C5orf47: variants seen among roughly 807,000 people sequenced by gnomAD.
The protein encoded by C5orf47 is uncharacterized protein C5orf47.
C5orf47 carries 20 observed loss-of-function variants against 20.6 expected under a neutral mutation model. That is an observed-to-expected ratio of 0.97 (90% CI 0.68 to 1.41). The LOEUF is 1.41. Ranked by LOEUF, C5orf47 falls within the 40% of genes most tolerant of loss-of-function variation. The pLI is 0.00. For missense variants in C5orf47, 262 were observed against 238.4 expected (o/e 1.10, Z -0.65); for synonymous variants, 106 against 97.3 (o/e 1.09, Z -0.53).
downstream of C5orf47, among the ~76,000 whole-genome samples, chr5:174,007,441 T>C (rs1759309071): frequency 6.6e-6 from 1 of 152,204 alleles, no homozygotes; most frequent in Non-Finnish European, 1.5e-5. Flanking sequence ...TATATAGCAA[T>C]TGATGTGGCA....
rs558306064 is a variant in C5orf47, at chr5:173,989,241, G to A, written c.-23G>A. ...GTGGCGTCGTGTTTGCTGAGGGCCC[G>A]GCTGCCGTTGACTGAGGCTGCGATG... is the stretch of plus-strand genomic sequence containing the variant. On this transcript the variant is annotated 5_prime_UTR_variant, in exon 1 of 5. Transcript: ENST00000340147. 2.4e-5 allele frequency: 33 copies of A among 1,371,370 alleles called. No individual in the cohort carries two copies. Among genetic ancestry groups the A allele is most frequent in the South Asian group, 1.9e-4 (11 of 57,058 alleles). The allele number at this position is 1,371,370 out of a possible 1,614,324, so 85.0% of individuals were successfully genotyped here.
chr5:174,001,958 CTTT>C (rs375423569), intron 4 of C5orf47, among the ~76,000 whole-genome samples: 2 of 133,468 alleles, frequency 1.5e-5, no homozygotes, highest in African/African-American at 5.5e-5. Flanking sequence ...TTTTTTTTTT[CTTT>C]TTTTTTTTAA....
downstream of C5orf47, among the ~76,000 whole-genome samples, chr5:174,009,121 G>T (rs191382492): frequency 2.9e-4 from 44 of 152,192 alleles, no homozygotes; most frequent in Non-Finnish European, 5.1e-4. Context: ...AGAAATGCCC[G>T]CTAGAAAGCC....
chr5:173,989,428 G>A lies in C5orf47; in HGVS notation c.165G>A (p.Arg55=). The A allele has an allele frequency of 6.5e-7, 1 of 1,549,542 alleles. No homozygotes were observed. The highest frequency in any genetic ancestry group is 8.7e-7 in the Non-Finnish European group (1 of 1,145,986). ...PGAGCRQEKP[R]EAMAVAGVQG... ...CAGGCTGTCGCCAGGAGAAGCCGAG[G>A]GAAGCAATGGCGGTGGCGGGCGTTC... is the stretch of plus-strand genomic sequence containing the variant. The change falls in exon 1 of 5, where the codon AGG becomes AGA. Residue 55 remains arginine, a synonymous_variant. Coordinates refer to ENST00000340147, the MANE Select transcript of C5orf47 (RefSeq NM_001144954.2).
intron 4 of C5orf47, among the ~76,000 whole-genome samples, chr5:174,002,147 G>C (rs1203711651): frequency 6.6e-6 from 1 of 151,670 alleles, no homozygotes; most frequent in African/African-American, 2.4e-5. Context: ...TTTTGTATAG[G>C]TGGGGGTCTA....
downstream of C5orf47, among the ~76,000 whole-genome samples, chr5:174,009,422 A>G (rs1759339978): frequency 6.6e-6 from 1 of 152,134 alleles, no homozygotes; most frequent in South Asian, 2.1e-4. Context: ...CTTGAAACGA[A>G]TGCTTACATT....
At chr5:173,990,746 GT>G (rs1465065916) in intron 1 of C5orf47, among the ~76,000 whole-genome samples, 3 of 152,098 alleles carry the variant, frequency 2.0e-5, no homozygotes, top group Non-Finnish European at 4.4e-5. Flanking sequence ...CCCTCTCTTG[GT>G]TTTTCTAAGT....
downstream of C5orf47, among the ~76,000 whole-genome samples, chr5:174,007,494 G>A (rs1759309596): frequency 1.3e-5 from 2 of 151,442 alleles, no homozygotes; most frequent in African/African-American, 4.9e-5. Flanking sequence ...TCACACAGTT[G>A]TATTCACATG....
chr5:174,007,072 G>C (rs1234719180), downstream of C5orf47, among the ~76,000 whole-genome samples: 1 of 148,254 alleles, frequency 6.7e-6, no homozygotes, highest in Non-Finnish European at 1.5e-5. Flanking sequence ...GGCCCACTGG[G>C]TTTAGAAACC....
intron 1 of C5orf47, among the ~76,000 whole-genome samples, chr5:173,994,029 GT>G (rs1453954488): frequency 6.6e-6 from 1 of 152,200 alleles, no homozygotes; most frequent in Non-Finnish European, 1.5e-5. Flanking sequence ...TTGTGGAAGC[GT>G]TTTCCTTGCA....
chr5:173,989,743 C>T lies in C5orf47; in HGVS notation c.325+155C>T, dbSNP rs1008996620. On this transcript the variant is annotated intron_variant, in intron 1 of 4. Coordinates refer to ENST00000340147, the MANE Select transcript of C5orf47 (RefSeq NM_001144954.2). ...GCACGCGCAGGGGCGAAGGAGAAGC[C>T]CAGTAATTCCCTTCAGAGGGCCAGC... Among the ~76,000 whole-genome samples, 7 of 152,350 alleles carry T rather than the reference C, an allele frequency of 4.6e-5. No homozygotes were observed. In the East Asian group the frequency reaches 1.2e-3, roughly 25 times the overall value.
At chr5:174,003,128 T>A (rs904060420) in intron 4 of C5orf47, among the ~76,000 whole-genome samples, 3 of 152,160 alleles carry the variant, frequency 2.0e-5, no homozygotes, top group African/African-American at 4.8e-5. Context: ...TTTTCTTTTT[T>A]AATTAGTATT....
At chr5:173,991,357 T>A (rs974932305) in intron 1 of C5orf47, among the ~76,000 whole-genome samples, 1 of 152,190 alleles carries the variant, frequency 6.6e-6, no homozygotes, top group Non-Finnish European at 1.5e-5. Flanking sequence ...TTGGATAGTA[T>A]TGGAGATAGC....
intron 3 of C5orf47, among the ~76,000 whole-genome samples, 193 bp downstream of exon 3, chr5:173,999,992 G>A (rs1341719245): frequency 6.6e-6 from 1 of 151,964 alleles, no homozygotes; most frequent in African/African-American, 2.4e-5. Flanking sequence ...TGAGCACAGA[G>A]AGCACAGGTA....
At position 173,998,205 on chromosome 5, in the gene C5orf47, T is replaced by A. The variant is rs1426529843; in HGVS notation, c.378T>A (p.Asn126Lys). The A allele has an allele frequency of 6.5e-7, 1 of 1,541,982 alleles. No homozygotes were observed. Among genetic ancestry groups the A allele is most frequent in the South Asian group, 1.2e-5 (1 of 82,668 alleles). Residue 126 changes from asparagine (N) to lysine (K), a missense_variant, in exon 2 of 5, where the codon AAT (asparagine) becomes AAA (lysine). Asn to Lys is a moderately conservative substitution (Grantham distance 94). Coordinates refer to ENST00000340147, the MANE Select transcript of C5orf47 (RefSeq NM_001144954.2). ...AGTATGATTTTCCCATACCATTGAATGAAGCTTCCAAAATAATGAAGAAAA... is the reference window on the plus strand; with the variant it reads ...AGTATGATTTTCCCATACCATTGAAAGAAGCTTCCAAAATAATGAAGAAAA... Reference protein sequence around the residue: ...AKKYDFPIPLNEASKIMKKKK... With the variant: ...AKKYDFPIPLKEASKIMKKKK...
chr5:174,008,358 G>A (rs1759323742), downstream of C5orf47, among the ~76,000 whole-genome samples: 1 of 152,210 alleles, frequency 6.6e-6, no homozygotes, highest in Non-Finnish European at 1.5e-5. Context: ...GTAGTTCCAG[G>A]CTGTGGTGTA....
At chr5:173,998,824 A>G (rs1435250038) in intron 2 of C5orf47, among the ~76,000 whole-genome samples, 1 of 152,160 alleles carries the variant, frequency 6.6e-6, no homozygotes, top group African/African-American at 2.4e-5. Flanking sequence ...TAAAGAAATT[A>G]TTGGTTGATA....
At chr5:174,008,232 T>C (rs1269782554), downstream of C5orf47, among the ~76,000 whole-genome samples, 5 of 152,208 alleles carry the variant, frequency 3.3e-5, no homozygotes, top group African/African-American at 4.8e-5. Flanking sequence ...GTAGGCCTCT[T>C]TGTATTCCTA....
At chr5:174,000,126 C>T (rs746354681) in intron 3 of C5orf47, among the ~76,000 whole-genome samples, 1 of 152,000 alleles carries the variant, frequency 6.6e-6, no homozygotes, top group African/African-American at 2.4e-5. Flanking sequence ...CGAAGCTCAT[C>T]GGTATTGATG....
Sources: allele counts gnomAD v4.1 joint callset (sites outside exome capture counted in the v4.1 genomes callset), GRCh38; gene constraint gnomAD v4.1.1; transcripts MANE v1.5; gene names NCBI Gene and HGNC (gene_info 2026-07-23, HGNC 2026-07-21).